The following SNTB1 variants were observed in gnomAD, a reference collection of about 807,000 sequenced individuals.
SNTB1 encodes the protein syntrophin beta 1.
SNTB1 carries 36 observed loss-of-function variants against 48.9 expected under a neutral mutation model. The ratio of observed to expected loss-of-function variants is 0.74; its 90% CI spans 0.56 to 0.97. The LOEUF is 0.97. Ranked by LOEUF, SNTB1 falls within the 50% of genes least tolerant of loss-of-function variation. The pLI is 0.00. For synonymous variants in SNTB1, 299 were observed against 294.6 expected (o/e 1.01, Z -0.15); for missense variants, 786 against 703.4 (o/e 1.12, Z -1.33).
At chr8:120,644,695 G>A (rs1216498548) in intron 2 of SNTB1, among the ~76,000 whole-genome samples, 1 of 151,520 alleles carries the variant, frequency 6.6e-6, no homozygotes, top group African/African-American at 2.4e-5. Context: ...GGATGGCTGG[G>A]TCAAATGGTA....
intron 1 of SNTB1, among the ~76,000 whole-genome samples, chr8:120,800,770 T>C (rs1355704983): frequency 6.6e-6 from 1 of 152,062 alleles, no homozygotes; most frequent in Non-Finnish European, 1.5e-5. Flanking sequence ...AAGTGGTTAA[T>C]AACTCTAAGA....
intron 5 of SNTB1, among the ~76,000 whole-genome samples, chr8:120,544,620 A>C (rs991230743): frequency 2.6e-5 from 4 of 152,186 alleles, no homozygotes; most frequent in African/African-American, 9.7e-5. Context: ...AAGATTTTAC[A>C]AAATTTGTAG....
intron 1 of SNTB1, among the ~76,000 whole-genome samples, chr8:120,734,156 T>A (rs1332314737): frequency 2.0e-5 from 3 of 152,152 alleles, no homozygotes; most frequent in African/African-American, 7.2e-5. Flanking sequence ...CAAAGTTTTA[T>A]TTGCAGGCCA....
intron 2 of SNTB1, chr8:120,637,750 G>A (rs567363729): frequency 4.9e-6 from 2 of 407,760 alleles, no homozygotes; most frequent in Non-Finnish European, 9.6e-6. Flanking sequence ...CACAGCATAA[G>A]ATAAGACATT....
At chr8:120,744,121 A>ATTT (rs35604534) in intron 1 of SNTB1, among the ~76,000 whole-genome samples, 3,086 of 136,128 alleles carry the variant, frequency 0.023, 132 homozygotes, top group African/African-American at 0.076. Flanking sequence ...CCCTGTCTCA[A>ATTT]TTTTTTTTTT....
At chr8:120,619,728 C>T (rs1485675631) in intron 3 of SNTB1, among the ~76,000 whole-genome samples, 2 of 152,106 alleles carry the variant, frequency 1.3e-5, no homozygotes, top group Admixed American at 1.3e-4. Context: ...ATGCTGATGA[C>T]TTGCACTAAT....
intron 1 of SNTB1, among the ~76,000 whole-genome samples, chr8:120,711,075 T>C (rs1818455328): frequency 6.6e-6 from 1 of 152,126 alleles, no homozygotes; most frequent in South Asian, 2.1e-4. Flanking sequence ...AAAACCCTAC[T>C]TTTTGGTGTT....
At chr8:120,674,784 G>A (rs1421973977) in intron 2 of SNTB1, among the ~76,000 whole-genome samples, 1 of 152,190 alleles carries the variant, frequency 6.6e-6, no homozygotes, top group Non-Finnish European at 1.5e-5. Context: ...GGGTACAGAA[G>A]TGAGGGCAAA....
In SNTB1 at chr8:120,749,383, C is replaced by A. The variant is rs542580849; in HGVS notation, c.572-55475G>T. Reference sequence around the variant, plus strand: ...CTTAAATTATTCCTTTCACTGTACACTAGCAGTTGGCCAAACTGCTTACTG... The same window carrying A: ...CTTAAATTATTCCTTTCACTGTACAATAGCAGTTGGCCAAACTGCTTACTG... On this transcript the variant is annotated intron_variant, in intron 1 of 6. Coordinates refer to ENST00000517992, the MANE Select transcript of SNTB1 (RefSeq NM_021021.4). 2.0e-5 allele frequency among the ~76,000 whole-genome samples: 3 copies of A among 152,302 alleles called. No homozygotes were observed. The South Asian group carries it at 6.2e-4, about 32-fold the overall frequency.
At chr8:120,716,708 G>A (rs1307149512) in intron 1 of SNTB1, among the ~76,000 whole-genome samples, 1 of 152,148 alleles carries the variant, frequency 6.6e-6, no homozygotes, top group East Asian at 1.9e-4. Flanking sequence ...GCCTTGCAGA[G>A]GAACTAAGCA....
intron 2 of SNTB1, among the ~76,000 whole-genome samples, chr8:120,651,817 T>C (rs1817415441): frequency 6.6e-6 from 1 of 152,094 alleles, no homozygotes; most frequent in Non-Finnish European, 1.5e-5. Context: ...GTTGAAGTCA[T>C]TAAAGTCAGA....
At chr8:120,775,863 T>C (rs996854252) in intron 1 of SNTB1, among the ~76,000 whole-genome samples, 2 of 152,114 alleles carry the variant, frequency 1.3e-5, no homozygotes, top group Non-Finnish European at 2.9e-5. Context: ...GTGCCATTCT[T>C]TTGTCAAGGG....
At chr8:120,591,656 A>G (rs920388720) in intron 3 of SNTB1, among the ~76,000 whole-genome samples, 1 of 152,116 alleles carries the variant, frequency 6.6e-6, no homozygotes, top group Admixed American at 6.5e-5. Flanking sequence ...TTTTGCACCT[A>G]TTCTGGCATC....
At chr8:120,686,872 A>G (rs187354881) in intron 2 of SNTB1, among the ~76,000 whole-genome samples, 6 of 152,310 alleles carry the variant, frequency 3.9e-5, no homozygotes, top group African/African-American at 1.4e-4. Context: ...AATGACAATC[A>G]TGAATTCTGG....
intron 3 of SNTB1, among the ~76,000 whole-genome samples, chr8:120,601,390 T>C (rs887307385): frequency 6.6e-5 from 10 of 152,170 alleles, no homozygotes; most frequent in Non-Finnish European, 1.5e-4. Flanking sequence ...TTTGAAATTA[T>C]CTTCAAAAAC....
intron 1 of SNTB1, among the ~76,000 whole-genome samples, chr8:120,761,902 T>C (rs1426598289): frequency 6.6e-6 from 1 of 152,240 alleles, no homozygotes; most frequent in African/African-American, 2.4e-5. Flanking sequence ...AGGATTCACA[T>C]CAAGGCTGGG....
At chr8:120,686,586 A>C (rs1276161630) in intron 2 of SNTB1, among the ~76,000 whole-genome samples, 1 of 150,138 alleles carries the variant, frequency 6.7e-6, no homozygotes. Context: ...TCAATATGTG[A>C]ATTTGGGGGG....
chr8:120,642,456 T>C (rs1817211797), intron 2 of SNTB1, among the ~76,000 whole-genome samples: 1 of 152,190 alleles, frequency 6.6e-6, no homozygotes, highest in Non-Finnish European at 1.5e-5. Context: ...CCACAAATTA[T>C]ACAGATTGAA....
In SNTB1 at chr8:120,729,287, C is replaced by T. The variant is rs137953873; in HGVS notation, c.572-35379G>A. On this transcript the variant is annotated intron_variant, in intron 1 of 6. Transcript: ENST00000517992. ...GCGTGAGCCACTGCACCTGGCCTGACGTTTTAATAATAGTCATTCTGACAG... is the reference window on the plus strand; with the variant it reads ...GCGTGAGCCACTGCACCTGGCCTGATGTTTTAATAATAGTCATTCTGACAG... Among the ~76,000 whole-genome samples the T allele has an allele frequency of 2.7e-4, 41 of 152,242 alleles. 1 individual carries two copies. In the East Asian group the frequency reaches 6.2e-3, roughly 23 times the overall value.
Sources: gnomAD v4.1 joint callset for allele counts (sites outside exome capture counted in the v4.1 genomes callset) on GRCh38, gnomAD v4.1.1 for gene constraint, MANE v1.5 for transcripts, NCBI Gene and HGNC (gene_info 2026-07-23, HGNC 2026-07-21) for gene names.